Variants in TG observed in about 807,000 individuals in gnomAD.
TG encodes thyroid hormones.
TG carries 270 observed loss-of-function variants against 324.7 expected under a neutral mutation model. The observed-to-expected ratio is 0.83, with a 90% CI of 0.75 to 0.92. The LOEUF (loss-of-function observed/expected upper bound fraction) is 0.92, where lower values mean the gene tolerates loss of function less well. TG is among the 40% of genes least tolerant of loss of function. The pLI is 0.00. For synonymous variants in TG, 1,401 were observed against 1,327.0 expected (o/e 1.06, Z -1.21); for missense variants, 3,591 against 3,456.4 (o/e 1.04, Z -0.98).
chr8:133,038,435 G>T, intron 41 of TG: 1 of 1,007,132 alleles, frequency 9.9e-7, no homozygotes, highest in Non-Finnish European at 1.6e-6. Flanking sequence ...AGGCTCCCAG[G>T]GATCAGGGAA....
chr8:132,940,416 C>T (rs2739070), intron 25 of TG, among the ~76,000 whole-genome samples: 82,761 of 152,140 alleles, frequency 0.54, 23,300 homozygotes, highest in Non-Finnish European at 0.61. Flanking sequence ...CTAAAATTAA[C>T]AGGGCTGATT....
rs1331318292 is a variant in TG at position 132,926,987 on chromosome 8, C to T, written c.4700-2089C>T. ...TTGCAGAGTTAGTAAAAAATATTTC[C>T]ACCTTGCTCACTGGAAATATTTCCA... On this transcript the variant is annotated intron_variant, in intron 22 of 47. Coordinates refer to ENST00000220616, the MANE Select transcript of TG (RefSeq NM_003235.5). Among the ~76,000 whole-genome samples, 4 of 152,148 alleles carry T rather than the reference C, an allele frequency of 2.6e-5. No individual in the cohort carries two copies. The East Asian group carries it at 7.7e-4, about 29-fold the overall frequency.
At chr8:133,061,302 C>T (rs1411320272) in intron 41 of TG, among the ~76,000 whole-genome samples, 1 of 152,216 alleles carries the variant, frequency 6.6e-6, no homozygotes, top group Non-Finnish European at 1.5e-5. Flanking sequence ...AGCCTCCATG[C>T]CTGGCCAAGT....
intron 20 of TG, among the ~76,000 whole-genome samples, chr8:132,913,809 G>T (rs1017302652): frequency 6.6e-6 from 1 of 152,112 alleles, no homozygotes; most frequent in Non-Finnish European, 1.5e-5. Context: ...AAATTTTGTG[G>T]CAGAAAACAA....
intron 41 of TG, among the ~76,000 whole-genome samples, chr8:133,031,245 C>T (rs997336208): frequency 2.0e-5 from 3 of 152,190 alleles, no homozygotes; most frequent in African/African-American, 4.8e-5. Context: ...TGGCTTATTT[C>T]CCTTAGCATA....
In TG at chr8:132,923,428, A is replaced by G. The variant is rs1272052308; in HGVS notation, c.4619A>G (p.Lys1540Arg). 2 of 1,614,114 alleles carry G rather than the reference A, an allele frequency of 1.2e-6. No individual in the cohort carries two copies. The highest frequency in any genetic ancestry group is 2.7e-5 in the African/African-American group (2 of 75,016). Reference sequence around the variant, plus strand: ...AGCCAGAAGGACAGGGGCAGTGGGAAGGCCTTCTGTGTGGACGGCGAGGGG... The same window carrying G: ...AGCCAGAAGGACAGGGGCAGTGGGAGGGCCTTCTGTGTGGACGGCGAGGGG... The part of the protein sequence containing the change: ...RASQKDRGSG[K>R]AFCVDGEGRR... Residue 1540 changes from lysine to arginine, a missense_variant, in exon 22 of 48, where the codon AAG becomes AGG. Lys to Arg is a conservative substitution (Grantham distance 26, BLOSUM62 2). Transcript: ENST00000220616.
At chr8:133,095,909 C>T (rs570562189) in intron 42 of TG, among the ~76,000 whole-genome samples, 3 of 152,316 alleles carry the variant, frequency 2.0e-5, no homozygotes, top group South Asian at 4.1e-4. Flanking sequence ...ACCACTGTCT[C>T]CTCCTGCCTT....
chr8:132,873,265 C>T lies in TG; in HGVS notation c.638+44C>T, dbSNP rs80047798. 6.0e-3 allele frequency: 9,623 copies of T among 1,610,854 alleles called. 244 individuals are homozygous for T. The East Asian group carries it at 0.081, about 14-fold the overall frequency. Reference sequence around the variant, plus strand: ...TGCCAGTCACTGGGCCATCACCTGACGCAGCCCACACTCACCTTGAGCTGG... The same window carrying T: ...TGCCAGTCACTGGGCCATCACCTGATGCAGCCCACACTCACCTTGAGCTGG... On this transcript the variant is annotated intron_variant, in intron 5 of 47. Transcript: ENST00000220616.
chr8:132,913,174 C>T lies in TG; in HGVS notation c.4287C>T (p.His1429=). 6.2e-7 allele frequency: 1 copy of T among 1,614,200 alleles called. No homozygotes were observed. Among genetic ancestry groups the T allele is most frequent in the Non-Finnish European group, 8.5e-7 (1 of 1,180,030 alleles). Reference sequence around the variant, plus strand: ...CCATCCGCTTCCTCCAAGGGGACCACTTTGGCACCTCTCCCAGGACATGGT... The same window carrying T: ...CCATCCGCTTCCTCCAAGGGGACCATTTTGGCACCTCTCCCAGGACATGGT... ...AETIRFLQGD[H]FGTSPRTWFG... is the part of the protein sequence containing the mutation. Residue 1429 remains histidine (H), a synonymous_variant, in exon 20 of 48, where the codon CAC becomes CAT. Coordinates refer to ENST00000220616, the MANE Select transcript of TG (RefSeq NM_003235.5).
intron 41 of TG, among the ~76,000 whole-genome samples, chr8:133,043,265 T>C (rs1416169171): frequency 6.6e-6 from 1 of 152,160 alleles, no homozygotes; most frequent in Non-Finnish European, 1.5e-5. Flanking sequence ...CATGGCCTCA[T>C]GGTCCCTAGA....
intron 39 of TG, among the ~76,000 whole-genome samples, 165 bp downstream of exon 39, chr8:133,019,860 G>T (rs1440387883): frequency 1.3e-5 from 2 of 152,206 alleles, no homozygotes; most frequent in Non-Finnish European, 2.9e-5. Flanking sequence ...CTGTGGACTT[G>T]GTCAGTTGGT....
intron 41 of TG, chr8:133,064,097 G>A (rs1338314060): frequency 2.0e-5 from 3 of 152,162 alleles, no homozygotes; most frequent in African/African-American, 7.2e-5. Context: ...TCATAGAATC[G>A]TAACTGCTAT....
At chr8:132,988,316 G>C (rs987767425) in intron 35 of TG, among the ~76,000 whole-genome samples, 1 of 152,184 alleles carries the variant, frequency 6.6e-6, no homozygotes, top group Non-Finnish European at 1.5e-5. Context: ...AGAATGGATA[G>C]TGTCTGAGGC....
chr8:132,916,874 A>G lies in TG; in HGVS notation c.4379-2502A>G, dbSNP rs569313293. Among the ~76,000 whole-genome samples, 3 of 151,702 alleles carry G rather than the reference A, an allele frequency of 2.0e-5. No individual in the cohort carries two copies. In the Admixed American group the frequency reaches 2.0e-4, roughly 10 times the overall value. On this transcript the variant is annotated intron_variant, in intron 20 of 47. Transcript: ENST00000220616. ...TGATATTAACTTTCACTCATTCACT[A>G]TAATTTCTTCTAATAGAGCTGGTTC...
rs185306497 is a variant in TG at position 132,998,060 on chromosome 8, G to T, written c.6263-13841G>T. Among the ~76,000 whole-genome samples the T allele has an allele frequency of 9.7e-4, 147 of 152,308 alleles. 2 individuals are homozygous for T. Among genetic ancestry groups the T allele is most frequent in the South Asian group, 6.2e-3 (30 of 4,824 alleles). On this transcript the variant is annotated intron_variant, in intron 35 of 47. Transcript: ENST00000220616. The stretch of plus-strand genomic sequence containing the variant: ...GAATGGGAGTGGGGCTGGGTTGGGG[G>T]TAATTGATAGATGGAGGCCCCTGAA...
intron 21 of TG, among the ~76,000 whole-genome samples, chr8:132,921,551 A>G (rs931320580): frequency 4.6e-5 from 7 of 152,232 alleles, no homozygotes; most frequent in African/African-American, 1.7e-4. Context: ...ACAGGGCAGA[A>G]GAGTCTGCCA....
intron 41 of TG, chr8:133,047,885 C>T (rs1043001803): frequency 6.2e-7 from 1 of 1,613,272 alleles, no homozygotes; most frequent in Non-Finnish European, 8.5e-7. Flanking sequence ...TGTCTGGCAG[C>T]TGCAGCAGCT....
intron 37 of TG, among the ~76,000 whole-genome samples, chr8:133,016,366 A>C (rs866084660): frequency 1.3e-5 from 2 of 152,182 alleles, no homozygotes; most frequent in Admixed American, 1.3e-4. Context: ...CTCTCCCACC[A>C]GATGTCAGTG....
At position 133,017,792 on chromosome 8, in the gene TG, A is replaced by G; in HGVS notation, c.6577A>G (p.Ser2193Gly). Residue 2193 changes from serine (S) to glycine (G), a missense_variant, in exon 38 of 48, where the codon AGC becomes GGC. Transcript: ENST00000220616. ...TTTCCCAACAGGAATCTCTCTGCTC[A>G]GCTATGAGGCATCTGTACCTTCTGT... ...IYRKPGISLL[S>G]YEASVPSVPI... 6.2e-7 allele frequency: 1 copy of G among 1,614,164 alleles called. No individual in the cohort carries two copies.
Sources: allele counts gnomAD v4.1 joint callset (sites outside exome capture counted in the v4.1 genomes callset), GRCh38; gene constraint gnomAD v4.1.1; transcripts MANE v1.5; gene names NCBI Gene and HGNC (gene_info 2026-07-23, HGNC 2026-07-21).